Variants in SERPINB6 observed in about 807,000 individuals in gnomAD.
SERPINB6 encodes the protein serpin B6.
SERPINB6 carries 16 observed loss-of-function variants against 26.1 expected under a neutral mutation model. The ratio of observed to expected loss-of-function variants is 0.61; its 90% CI spans 0.42 to 0.93. SERPINB6 has a LOEUF of 0.93. SERPINB6 is among the 40% of genes least tolerant of loss of function. The pLI, the probability that SERPINB6 is intolerant of heterozygous loss-of-function variation, is 0.00. For missense variants in SERPINB6, 420 were observed against 478.0 expected, an observed-to-expected ratio of 0.88 and a Z score of 1.13; for synonymous variants, 174 against 176.6, an observed-to-expected ratio of 0.99 and a Z score of 0.11.
chr6:2,971,429 AC>A (rs1172812267), intron 1 of SERPINB6, 103 bp downstream of exon 1: 1 of 151,904 alleles, frequency 6.6e-6, no homozygotes, highest in Non-Finnish European at 1.4e-5. Flanking sequence ...GCCCCGCGCG[AC>A]CCCCACCCTG....
At chr6:2,962,053 C>T in intron 1 of SERPINB6, 1 of 985,418 alleles carries the variant, frequency 1.0e-6, no homozygotes, top group Non-Finnish European at 1.2e-6. Flanking sequence ...TGGAAATGTC[C>T]ACCTAAGAAA....
rs78667919 is a variant in SERPINB6, at chr6:2,953,186, C to T, written c.431G>A (p.Gly144Asp). ...INTWVAEKTEGKIAELLSPGS... is the reference protein window; with the variant it reads ...INTWVAEKTEDKIAELLSPGS... Reference sequence around the variant, plus strand: ...CGGAGAGAGCAACTCCGCAATTTTACCTGAGCGGAAGAATTCAAGACCGCA... The same window carrying T: ...CGGAGAGAGCAACTCCGCAATTTTATCTGAGCGGAAGAATTCAAGACCGCA... Residue 144 changes from glycine (G) to aspartate (D), a missense_variant and splice_region_variant, in exon 5 of 7, where the codon GGT (glycine) becomes GAT (aspartate). Coordinates refer to ENST00000380539, the MANE Select transcript of SERPINB6 (RefSeq NM_004568.6). 1.4e-5 allele frequency: 22 copies of T among 1,614,188 alleles called. No homozygotes were observed. In the East Asian group the frequency reaches 4.0e-4, roughly 29 times the overall value.
Position 2,948,292 on chromosome 6 carries a change from C to T in SERPINB6, c.*6G>A. 5 of 1,613,208 alleles carry T rather than the reference C, an allele frequency of 3.1e-6. No homozygotes were observed. Among genetic ancestry groups the T allele is most frequent in the Non-Finnish European group, 3.4e-6 (4 of 1,179,934 alleles). ...AGAGGGGCTGCACACCAAGACTGCC[C>T]TGTCCTCACGGAGAGGAAAAGCGGC... On this transcript the variant is annotated 3_prime_UTR_variant, in exon 7 of 7. Transcript: ENST00000380539. The surrounding 1 kb of genome is among the most constrained non-coding windows in gnomAD (Gnocchi z 5.0).
chr6:2,948,635 T>C lies in SERPINB6; in HGVS notation c.794A>G (p.Glu265Gly). The part of the protein sequence containing the change: ...EWTRLDMMDE[E>G]EVEVSLPRFK... ...CCGCGGGAGGGACACTTCCACCTCC[T>C]CTTCATCCATCATGTCCAGCCTCGT... The change falls in exon 7 of 7, where the codon GAG (glutamate) becomes GGG (glycine). Residue 265 changes from glutamate to glycine, a missense_variant. By Grantham distance (98) the Glu-to-Gly change is moderately conservative (BLOSUM62 -2). Transcript: ENST00000380539. The surrounding 1 kb of genome is among the most constrained non-coding windows in gnomAD (Gnocchi z 5.0). 6.2e-7 allele frequency: 1 copy of C among 1,614,150 alleles called. No individual in the cohort carries two copies. The highest frequency in any genetic ancestry group is 8.5e-7 in the Non-Finnish European group (1 of 1,179,964).
chr6:2,962,335 G>A (rs1771212201), intron 1 of SERPINB6, among the ~76,000 whole-genome samples: 1 of 152,178 alleles, frequency 6.6e-6, no homozygotes, highest in East Asian at 1.9e-4. Flanking sequence ...GTGCACATGA[G>A]TTTTACTGTG....
At chr6:2,971,019 C>A in intron 1 of SERPINB6, 1 of 1,216,856 alleles carries the variant, frequency 8.2e-7, no homozygotes, top group Non-Finnish European at 1.0e-6. Context: ...CGCCTCCCGC[C>A]CGGCTCCTAA....
In SERPINB6 at chr6:2,959,208, T is replaced by G. The variant is rs147962494; in HGVS notation, c.125A>C (p.Tyr42Ser). Residue 42 changes from tyrosine to serine, a missense_variant, in exon 2 of 7, where the codon TAC becomes TCC. Coordinates refer to ENST00000380539, the MANE Select transcript of SERPINB6 (RefSeq NM_004568.6). The part of the protein sequence containing the change: ...MSMSCALAMV[Y>S]MGAKGNTAAQ... ...AGCGGTGTTTCCCTTTGCCCCCATG[T>G]AGACCATGGCCAGGGCACAGGACAT... 3.2e-5 allele frequency: 52 copies of G among 1,614,096 alleles called. No homozygotes were observed. In the African/African-American group the frequency reaches 5.7e-4, roughly 18 times the overall value.
chr6:2,956,061 T>G, intron 2 of SERPINB6: 2 of 189,416 alleles, frequency 1.1e-5, no homozygotes, highest in Non-Finnish European at 1.1e-5. Context: ...GGCGACAGAG[T>G]GAGACTCCGT....
chr6:2,970,117 G>A (rs895334758), intron 1 of SERPINB6: 2 of 984,508 alleles, frequency 2.0e-6, no homozygotes, highest in African/African-American at 3.5e-5. Flanking sequence ...CCCAAGTGCA[G>A]TAAGCCTGGA....
At chr6:2,960,107 T>C (rs1031342977) in intron 1 of SERPINB6, 1 of 154,560 alleles carries the variant, frequency 6.5e-6, no homozygotes, top group African/African-American at 2.4e-5. Context: ...TGCACATCTC[T>C]CTAGCCCTGC....
In SERPINB6 at chr6:2,954,739, G is replaced by A. The variant is rs575371284; in HGVS notation, c.313-30C>T. ...GATAGACAGAGTGACATAACTGCCT[G>A]GCTACAAAAATGATGAACACCAACG... On this transcript the variant is annotated intron_variant, in intron 3 of 6. Transcript: ENST00000380539. The A allele has an allele frequency of 2.4e-5, 36 of 1,518,666 alleles. No homozygotes were observed. In the South Asian group the frequency reaches 3.9e-4, roughly 17 times the overall value. The allele number at this position is 1,518,666 out of a possible 1,614,324, so 94.1% of individuals were successfully genotyped here.
chr6:2,969,478 A>G, intron 1 of SERPINB6: 1 of 980,610 alleles, frequency 1.0e-6, no homozygotes, highest in Non-Finnish European at 1.2e-6. Context: ...AAAACTGGAT[A>G]TTAAAGTCTT....
intron 1 of SERPINB6, among the ~76,000 whole-genome samples, chr6:2,962,412 G>A (rs566814839): frequency 1.3e-5 from 2 of 152,200 alleles, no homozygotes; most frequent in African/African-American, 2.4e-5. Context: ...GAGATGGCAC[G>A]AGTCAGGAGG....
intron 2 of SERPINB6, chr6:2,957,965 T>C (rs1029385939): frequency 1.3e-5 from 2 of 152,246 alleles, no homozygotes; most frequent in African/African-American, 4.8e-5. Flanking sequence ...GGCTTGGGAA[T>C]TGCCACTGCT....
In SERPINB6 at chr6:2,949,056, G is replaced by C; in HGVS notation, c.587C>G (p.Pro196Arg). 6.2e-7 allele frequency: 1 copy of C among 1,614,084 alleles called. No homozygotes were observed. ...LFKVSKNEEK[P>R]VQMMFKQSTF... ...AGATTGCTTAAACATCATTTGCACA[G>C]GTTTCTCCTCATTCTACAAAGAAAA... Residue 196 changes from proline to arginine, a missense_variant, in exon 6 of 7, where the codon CCT (proline) becomes CGT (arginine). Pro to Arg is a moderately radical substitution (Grantham distance 103). Transcript: ENST00000380539.
intron 5 of SERPINB6, among the ~76,000 whole-genome samples, chr6:2,952,249 GAC>G (rs1769896433): frequency 6.6e-6 from 1 of 152,196 alleles, no homozygotes; most frequent in South Asian, 2.1e-4. Flanking sequence ...GAGGAGAACA[GAC>G]AATGAAAATA....
In SERPINB6 at chr6:2,949,057, G is replaced by A. The variant is rs759528009; in HGVS notation, c.586C>T (p.Pro196Ser). The A allele has an allele frequency of 7.4e-6, 12 of 1,613,956 alleles. No homozygotes were observed. The highest frequency in any genetic ancestry group is 9.3e-6 in the Non-Finnish European group (11 of 1,180,018). The change falls in exon 6 of 7, where the codon CCT (proline) becomes TCT (serine). Residue 196 changes from proline (P) to serine (S), a missense_variant. Coordinates refer to ENST00000380539, the MANE Select transcript of SERPINB6 (RefSeq NM_004568.6). ...LFKVSKNEEK[P>S]VQMMFKQSTF... is the part of the protein sequence containing the mutation. Reference sequence around the variant, plus strand: ...GATTGCTTAAACATCATTTGCACAGGTTTCTCCTCATTCTACAAAGAAAAC... The same window carrying A: ...GATTGCTTAAACATCATTTGCACAGATTTCTCCTCATTCTACAAAGAAAAC...
At position 2,955,659 on chromosome 6, in the gene SERPINB6, G is replaced by A; in HGVS notation, c.177C>T (p.Phe59=). The A allele has an allele frequency of 6.2e-7, 1 of 1,614,200 alleles. No homozygotes were observed. Among genetic ancestry groups the A allele is most frequent in the South Asian group, 1.1e-5 (1 of 91,084 alleles). Residue 59 remains phenylalanine, a synonymous_variant, in exon 3 of 7, where the codon TTC becomes TTT. Coordinates refer to ENST00000380539, the MANE Select transcript of SERPINB6 (RefSeq NM_004568.6). ...TGTCTCCACCACCGCCACTTTTATT[G>A]AAAGAAAGTATCTGAAATCAAAAAC... ...TAAQMAQILS[F]NKSGGGGDIH...
chr6:2,949,222 C>T (rs1769496245), intron 5 of SERPINB6, among the ~76,000 whole-genome samples, 153 bp from the exon 6 acceptor site: 1 of 152,252 alleles, frequency 6.6e-6, no homozygotes, highest in African/African-American at 2.4e-5. Flanking sequence ...CTGCCATCTT[C>T]ATTACCTCAA....
Sources: allele counts gnomAD v4.1 joint callset (sites outside exome capture counted in the v4.1 genomes callset), GRCh38; gene constraint gnomAD v4.1.1; non-coding constraint Gnocchi (gnomAD v3.1); transcripts MANE v1.5; gene names NCBI Gene and HGNC (gene_info 2026-07-23, HGNC 2026-07-21).